The following SPTA1 variants were observed in gnomAD, a reference collection of about 807,000 sequenced individuals.
SPTA1 encodes spectrin alpha chain, erythrocytic 1.
In SPTA1, 177 loss-of-function variants were observed where a neutral mutation model predicts 324.7. The observed-to-expected ratio is 0.55, with a 90% confidence interval of 0.48 to 0.62. The LOEUF is 0.62. SPTA1 is among the 20% of genes least tolerant of loss of function. The pLI, the probability that SPTA1 is intolerant of heterozygous loss-of-function variation, is 0.00. For synonymous variants in SPTA1, 1,195 were observed against 1,041.3 expected, an observed-to-expected ratio of 1.15 and a Z score of -2.84; for missense variants, 3,162 against 2,883.6, an observed-to-expected ratio of 1.10 and a Z score of -2.21.
chr1:158,636,110 T>A, intron 37 of SPTA1, 76 bp from the exon 38 acceptor site: 1 of 1,612,492 alleles, frequency 6.2e-7, no homozygotes, highest in Non-Finnish European at 8.5e-7. Context: ...GAGCAAAGTA[T>A]CTAGCCCATC....
At chr1:158,632,163 G>A (rs1650724711) in intron 39 of SPTA1, among the ~76,000 whole-genome samples, 1 of 152,024 alleles carries the variant, frequency 6.6e-6, no homozygotes, top group Admixed American at 6.6e-5. Context: ...TGAACCTTGA[G>A]GACATTACGC....
chr1:158,662,835 A>G lies in SPTA1; in HGVS notation c.2331T>C (p.Ala777=). ...RQESLVCRFE[A]LKEPLATRKK... is the part of the protein sequence containing the mutation. ...TTCGGGTGGCCAGTGGCTCTTTCAG[A>G]GCTTCAAATCGGCATACCAAGGACT... The change falls in exon 17 of 52, where the codon GCT becomes GCC. Residue 777 remains alanine, a synonymous_variant. Transcript: ENST00000643759. 1 of 1,614,082 alleles carries G rather than the reference A, an allele frequency of 6.2e-7. No homozygotes were observed.
chr1:158,624,552 A>G (rs1040829743), intron 42 of SPTA1, among the ~76,000 whole-genome samples: 1 of 152,188 alleles, frequency 6.6e-6, no homozygotes, highest in African/African-American at 2.4e-5. Flanking sequence ...TGGAATTAGT[A>G]TATTTACCCA....
intron 51 of SPTA1, 87 bp downstream of exon 51, chr1:158,612,730 G>T (rs1420416344): frequency 1.3e-6 from 2 of 1,507,372 alleles, no homozygotes; most frequent in Non-Finnish European, 1.8e-6. Flanking sequence ...AAGTGGGTGG[G>T]TTTTTTCAAA....
At chr1:158,684,694 A>G (rs1655043589) in intron 2 of SPTA1, among the ~76,000 whole-genome samples, 1 of 152,144 alleles carries the variant, frequency 6.6e-6, no homozygotes, top group African/African-American at 2.4e-5. Flanking sequence ...CTGAAAAAAA[A>G]TTGATGTAAT....
intron 36 of SPTA1, 54 bp from the exon 37 acceptor site, chr1:158,636,815 C>G: frequency 6.2e-7 from 1 of 1,611,074 alleles, no homozygotes; most frequent in Non-Finnish European, 8.5e-7. Context: ...TAATGTCATC[C>G]TACAGCAATA....
At chr1:158,634,502 A>G (rs1401288927) in intron 39 of SPTA1, 41 bp downstream of exon 39, 3 of 1,612,044 alleles carry the variant, frequency 1.9e-6, no homozygotes, top group Non-Finnish European at 2.5e-6. Flanking sequence ...AAATAACCAA[A>G]TTGAAGAGAA....
rs375875276 is a variant in SPTA1, at chr1:158,613,766, T to G, written c.6944A>C (p.His2315Pro). The change falls in exon 50 of 52, where the codon CAT becomes CCT. Residue 2315 changes from histidine to proline, a missense_variant. Transcript: ENST00000643759. Reference protein sequence around the residue: ...YYLPMVEEDEHEPKFEKFLDA... With the variant: ...YYLPMVEEDEPEPKFEKFLDA... Reference sequence around the variant, plus strand: ...CAGGAACTTCTCAAACTTGGGCTCATGTTCATCCTCCTCCACCATGGGCAA... The same window carrying G: ...CAGGAACTTCTCAAACTTGGGCTCAGGTTCATCCTCCTCCACCATGGGCAA... 1 of 1,613,788 alleles carries G rather than the reference T, an allele frequency of 6.2e-7. No individual in the cohort carries two copies. The highest frequency in any genetic ancestry group is 8.5e-7 in the Non-Finnish European group (1 of 1,179,844).
Position 158,681,578 on chromosome 1 carries a change from G to C in SPTA1, c.480C>G (p.Phe160Leu), listed in dbSNP as rs764615925. The C allele has an allele frequency of 8.1e-6, 13 of 1,613,616 alleles. No individual in the cohort carries two copies. The East Asian group carries it at 2.9e-4, about 36-fold the overall frequency. Residue 160 changes from phenylalanine to leucine, a missense_variant, in exon 4 of 52, where the codon TTC becomes TTG. Transcript: ENST00000643759. ...KGDQLLRALK[F>L]QQYVQECADI... ...CAGCACACTCCTGTACATACTGCTG[G>C]AACTTCAGGGCCCGCAGCAACTGGT...
rs183740909 is a variant in SPTA1, at chr1:158,679,850, T to C, written c.678+733A>G. ...GAAAATTTAGAAACTACTGGAAATA[T>C]GGCCTGAAAGAAAAATAGGAAAACA... On this transcript the variant is annotated intron_variant, in intron 5 of 51. Transcript: ENST00000643759. Among the ~76,000 whole-genome samples the C allele has an allele frequency of 2.3e-3, 343 of 152,260 alleles. 1 individual carries two copies. Among genetic ancestry groups the C allele is most frequent in the African/African-American group, 7.5e-3 (313 of 41,554 alleles).
chr1:158,647,517 G>C (rs1652084714), intron 27 of SPTA1, 22 bp downstream of exon 27: 1 of 1,612,422 alleles, frequency 6.2e-7, no homozygotes, highest in African/African-American at 1.3e-5. Flanking sequence ...GCCAGACACG[G>C]AAGTTACCCA....
chr1:158,620,080 T>C, intron 44 of SPTA1, 90 bp downstream of exon 44: 1 of 1,484,188 alleles, frequency 6.7e-7, no homozygotes, highest in Non-Finnish European at 9.4e-7. Flanking sequence ...ATTAATAGTG[T>C]TCCTTCTATG....
In SPTA1 at chr1:158,681,665, G is replaced by A. The variant is rs2101946583; in HGVS notation, c.393C>T (p.Ala131=). 3 of 1,613,550 alleles carry A rather than the reference G, an allele frequency of 1.9e-6. No homozygotes were observed. The highest frequency in any genetic ancestry group is 2.2e-5 in the East Asian group (1 of 44,838). ...MGHSAHEETK[A]HIEELRHLWD... is the part of the protein sequence containing the mutation. ...ACAGGTGGCGTAGCTCCTCTATATG[G>A]GCCTTTAGGAAAGAGGGGCAAAACC... Residue 131 remains alanine (A), a splice_region_variant and synonymous_variant, in exon 4 of 52, where the codon GCC becomes GCT. Transcript: ENST00000643759.
At chr1:158,633,163 G>T (rs1382913337) in intron 39 of SPTA1, among the ~76,000 whole-genome samples, 1 of 152,200 alleles carries the variant, frequency 6.6e-6, no homozygotes, top group Admixed American at 6.5e-5. Context: ...GCCACAGTTT[G>T]AAGAGGCAGG....
chr1:158,667,647 C>A (rs963446297), intron 15 of SPTA1, among the ~76,000 whole-genome samples: 1 of 151,902 alleles, frequency 6.6e-6, no homozygotes, highest in African/African-American at 2.4e-5. Context: ...AACCTTACAC[C>A]CTTGAAGGAA....
At chr1:158,680,793 T>A in intron 4 of SPTA1, 64 bp from the exon 5 acceptor site, 1 of 1,598,434 alleles carries the variant, frequency 6.3e-7, no homozygotes, top group Non-Finnish European at 8.5e-7. Context: ...GGTCAAAAAC[T>A]CAAAACTCCT....
intron 8 of SPTA1, among the ~76,000 whole-genome samples, chr1:158,675,811 G>T (rs910988917): frequency 6.6e-6 from 1 of 152,064 alleles, no homozygotes; most frequent in African/African-American, 2.4e-5. Flanking sequence ...TCTTTCAGTG[G>T]GACAAAGTGG....
chr1:158,669,852 T>A, intron 12 of SPTA1, 66 bp from the exon 13 acceptor site: 1 of 1,517,668 alleles, frequency 6.6e-7, no homozygotes, highest in East Asian at 2.3e-5. Flanking sequence ...GGCCATAGTT[T>A]GGGTAGCTGT....
At chr1:158,647,848 C>G (rs1416916730) in intron 26 of SPTA1, 128 bp from the exon 27 acceptor site, 1 of 1,006,034 alleles carries the variant, frequency 9.9e-7, no homozygotes, top group African/African-American at 1.6e-5. Flanking sequence ...TGTCATCATA[C>G]TTTACAAAAT....
Sources: allele counts gnomAD v4.1 joint callset (sites outside exome capture counted in the v4.1 genomes callset), GRCh38; gene constraint gnomAD v4.1.1; transcripts MANE v1.5; gene names NCBI Gene and HGNC (gene_info 2026-07-23, HGNC 2026-07-21).